Variants in ZNF749 observed in about 807,000 individuals in gnomAD.
The protein encoded by ZNF749 is zinc finger protein 749.
ZNF749 carries 8 observed loss-of-function variants against 7.3 expected under a neutral mutation model. That is an observed-to-expected ratio of 1.10 (90% CI 0.64 to 1.98). The LOEUF is 1.98. ZNF749 is among the 30% of genes most tolerant of loss of function. The pLI, the probability that ZNF749 is intolerant of heterozygous loss-of-function variation, is 0.00. For missense variants in ZNF749, 898 were observed against 932.4 expected (o/e 0.96, Z 0.48); for synonymous variants, 310 against 322.4 (o/e 0.96, Z 0.41).
At chr19:57,435,202 C>T (rs1400679001), upstream of ZNF749, 3 of 358,246 alleles carry the variant, frequency 8.4e-6, no homozygotes, top group African/African-American at 2.2e-5. Context: ...GAAGACACTG[C>T]GGGCGACACA....
upstream of ZNF749, among the ~76,000 whole-genome samples, chr19:57,431,085 G>A (rs1251408787): frequency 1.3e-5 from 2 of 151,012 alleles, no homozygotes; most frequent in African/African-American, 4.9e-5. Context: ...TAAAGGGGAA[G>A]TAGAAGAGTT....
chr19:57,432,999 C>G (rs1274103016), upstream of ZNF749, among the ~76,000 whole-genome samples: 1 of 152,146 alleles, frequency 6.6e-6, no homozygotes, highest in Non-Finnish European at 1.5e-5. Context: ...GAGTCATCCA[C>G]AATCTCTTGC....
rs1909449580 is a variant in ZNF749, at chr19:57,443,448, T to C, written c.300T>C (p.Ala100=). ...TTCTGAAGGACATTCTGCACCTGGC[T>C]GAGCACGATGGAACACACCCTGAGC... The part of the protein sequence containing the change: ...SSILKDILHL[A]EHDGTHPEQG... Residue 100 remains alanine (A), a synonymous_variant, in exon 3 of 3, where the codon GCT becomes GCC. Coordinates refer to ENST00000334181, the MANE Select transcript of ZNF749 (RefSeq NM_001023561.4). 6.2e-7 allele frequency: 1 copy of C among 1,614,250 alleles called. No individual in the cohort carries two copies. The highest frequency in any genetic ancestry group is 1.1e-5 in the South Asian group (1 of 91,088).
Position 57,444,480 on chromosome 19 carries a change from G to C in ZNF749, c.1332G>C (p.Glu444Asp), listed in dbSNP as rs1437809380. 6.2e-7 allele frequency: 1 copy of C among 1,613,866 alleles called. No homozygotes were observed. The highest frequency in any genetic ancestry group is 2.2e-5 in the East Asian group (1 of 44,876). ...GGCCTTATGAGTGCACTGAATGTGA[G>C]AAGGCCTTTGTTAGAAAGTCCCACC... is the stretch of plus-strand genomic sequence containing the variant. ...GERPYECTEC[E>D]KAFVRKSHLV... The change falls in exon 3 of 3, where the codon GAG becomes GAC. Residue 444 changes from glutamate (E) to aspartate (D), a missense_variant. Physicochemically the swap from Glu to Asp is conservative, Grantham distance 45. Coordinates refer to ENST00000334181, the MANE Select transcript of ZNF749 (RefSeq NM_001023561.4).
Position 57,441,939 on chromosome 19 carries a change from A to C in ZNF749, c.70A>C (p.Ile24Leu). 1 of 1,614,066 alleles carries C rather than the reference A, an allele frequency of 6.2e-7. No individual in the cohort carries two copies. The highest frequency in any genetic ancestry group is 1.1e-5 in the South Asian group (1 of 91,078). The change falls in exon 2 of 3, where the codon ATC (isoleucine) becomes CTC (leucine). Residue 24 changes from isoleucine to leucine, a missense_variant. Physicochemically the swap from Ile to Leu is conservative, Grantham distance 5. Coordinates refer to ENST00000334181, the MANE Select transcript of ZNF749 (RefSeq NM_001023561.4). ...AIYFSQEEWG[I>L]LNDAQRHLHS... The stretch of plus-strand genomic sequence containing the variant: ...ATATTTCTCCCAAGAGGAATGGGGG[A>C]TCCTTAATGATGCTCAGAGACACCT...
upstream of ZNF749, among the ~76,000 whole-genome samples, chr19:57,433,173 T>G (rs1281657884): frequency 6.6e-6 from 1 of 150,688 alleles, no homozygotes; most frequent in African/African-American, 2.4e-5. Context: ...ATTTAGAAGG[T>G]TGACATCCTA....
chr19:57,432,973 C>G (rs1486351026), upstream of ZNF749, among the ~76,000 whole-genome samples: 1 of 152,122 alleles, frequency 6.6e-6, no homozygotes, highest in African/African-American at 2.4e-5. Flanking sequence ...TTAAATCAGA[C>G]CACACCGTAG....
chr19:57,445,551 C>T lies in ZNF749; in HGVS notation c.*66C>T, dbSNP rs1306548718. 5.9e-6 allele frequency: 9 copies of T among 1,527,016 alleles called. No homozygotes were observed. Among genetic ancestry groups the T allele is most frequent in the South Asian group, 1.3e-5 (1 of 74,828 alleles). 94.6% of individuals were successfully genotyped at this position (1,527,016 alleles called of 1,614,324 possible). On this transcript the variant is annotated 3_prime_UTR_variant, in exon 3 of 3. Transcript: ENST00000334181. ...TCAGCACCAAAAGGTTCACATCGGA[C>T]CAAGAACCTATTAATATATGTAAAT...
Position 57,445,164 on chromosome 19 carries a change from C to T in ZNF749, c.2016C>T (p.Asn672=). ...HTGEKPYECS[N]CGKFLRYRST... ...GAGAAAAGCCTTATGAATGCAGCAACTGTGGGAAGTTTCTTAGATACCGCT... is the reference window on the plus strand; with the variant it reads ...GAGAAAAGCCTTATGAATGCAGCAATTGTGGGAAGTTTCTTAGATACCGCT... The change falls in exon 3 of 3, where the codon AAC becomes AAT. Residue 672 remains asparagine (N), a synonymous_variant. Transcript: ENST00000334181. 6.2e-7 allele frequency: 1 copy of T among 1,614,080 alleles called. No homozygotes were observed. The highest frequency in any genetic ancestry group is 8.5e-7 in the Non-Finnish European group (1 of 1,180,008).
intron 1 of ZNF749, 88 bp downstream of exon 1, chr19:57,435,681 G>A: frequency 1.3e-6 from 2 of 1,529,030 alleles, no homozygotes; most frequent in South Asian, 1.2e-5. Context: ...AGGCCCTTGT[G>A]TCTCTAAGAG....
In ZNF749 at chr19:57,444,385, A is replaced by G. The variant is rs768525102; in HGVS notation, c.1237A>G (p.Ser413Gly). The change falls in exon 3 of 3, where the codon AGC (serine) becomes GGC (glycine). Residue 413 changes from serine to glycine, a missense_variant. By Grantham distance (56) the Ser-to-Gly change is moderately conservative (BLOSUM62 0). Transcript: ENST00000334181. ...TGCTGGCAAAAGGCTTTATAAGTGTAGCGAATGTGGGAAAGCCTTTAGCCT... is the reference window on the plus strand; with the variant it reads ...TGCTGGCAAAAGGCTTTATAAGTGTGGCGAATGTGGGAAAGCCTTTAGCCT... ...VHAGKRLYKC[S>G]ECGKAFSLKH... The G allele has an allele frequency of 1.2e-6, 2 of 1,614,028 alleles. No homozygotes were observed. Among genetic ancestry groups the G allele is most frequent in the Non-Finnish European group, 1.7e-6 (2 of 1,179,968 alleles).
rs1253002494 is a variant in ZNF749 at position 57,443,458 on chromosome 19, G to A, written c.310G>A (p.Gly104Arg). 6.2e-7 allele frequency: 1 copy of A among 1,614,238 alleles called. No individual in the cohort carries two copies. The highest frequency in any genetic ancestry group is 1.1e-5 in the South Asian group (1 of 91,092). ...CATTCTGCACCTGGCTGAGCACGAT[G>A]GAACACACCCTGAGCAAGGGCTGTA... ...KDILHLAEHD[G>R]THPEQGLYTC... is the part of the protein sequence containing the mutation. Residue 104 changes from glycine (G) to arginine (R), a missense_variant, in exon 3 of 3, where the codon GGA (glycine) becomes AGA (arginine). Gly to Arg is a moderately radical substitution (Grantham distance 125). Transcript: ENST00000334181.
intron 1 of ZNF749, among the ~76,000 whole-genome samples, chr19:57,441,288 G>T (rs899332299): frequency 3.7e-4 from 56 of 152,236 alleles, no homozygotes; most frequent in South Asian, 1.2e-3. Context: ...TCCTTGGGAA[G>T]TGGGTGGAGG....
In ZNF749 at chr19:57,445,254, G is replaced by C; in HGVS notation, c.2106G>C (p.Arg702Ser). 1 of 1,613,954 alleles carries C rather than the reference G, an allele frequency of 6.2e-7. No individual in the cohort carries two copies. The highest frequency in any genetic ancestry group is 1.1e-5 in the South Asian group (1 of 91,078). ...AGCCTCATGAGTGCAGTAAATGTAG[G>C]GAATTGTTTAGGACTAAATCGAGCC... is the stretch of plus-strand genomic sequence containing the variant. ...GEKPHECSKC[R>S]ELFRTKSSLI... is the part of the protein sequence containing the mutation. The change falls in exon 3 of 3, where the codon AGG becomes AGC. Residue 702 changes from arginine to serine, a missense_variant. By Grantham distance (110) the Arg-to-Ser change is moderately radical. Transcript: ENST00000334181.
intron 1 of ZNF749, among the ~76,000 whole-genome samples, chr19:57,441,072 G>GC (rs1371586371): frequency 2.3e-5 from 3 of 131,358 alleles, no homozygotes; most frequent in African/African-American, 8.8e-5. Flanking sequence ...GTTGCAGTGA[G>GC]CCACTGCACT....
chr19:57,428,935 C>CTG, the ZNF749 span, among the ~76,000 whole-genome samples: 1 of 152,152 alleles, frequency 6.6e-6, no homozygotes, highest in Non-Finnish European at 1.5e-5. Context: ...TTCCATGTTG[C>CTG]TGTGTGTGTC....
rs779337654 is a variant in ZNF749 at position 57,444,265 on chromosome 19, C to T, written c.1117C>T (p.Gln373Ter). Reference protein sequence around the residue: ...FMDSFTLGRHQRVHTGERPFE... With the variant: ...FMDSFTLGRH ...GGACAGCTTCACACTCGGTAGACAT[C>T]AGAGAGTTCATACTGGAGAAAGGCC... The change falls in exon 3 of 3, where the codon CAG becomes TAG. Residue 373 changes from glutamine to a stop codon, truncating the protein, a stop_gained. Coordinates refer to ENST00000334181, the MANE Select transcript of ZNF749 (RefSeq NM_001023561.4). LOFTEE classifies it low-confidence loss of function (END_TRUNC). 1.2e-6 allele frequency: 2 copies of T among 1,614,176 alleles called. No individual in the cohort carries two copies. Among genetic ancestry groups the T allele is most frequent in the South Asian group, 2.2e-5 (2 of 91,080 alleles).
Position 57,441,931 on chromosome 19 carries a change from A to G in ZNF749, c.62A>G (p.Glu21Gly). 6.2e-7 allele frequency: 1 copy of G among 1,614,064 alleles called. No homozygotes were observed. Among genetic ancestry groups the G allele is most frequent in the Non-Finnish European group, 8.5e-7 (1 of 1,179,994 alleles). The part of the protein sequence containing the change: ...EDVAIYFSQE[E>G]WGILNDAQRH... ...GTGGCCATATATTTCTCCCAAGAGG[A>G]ATGGGGGATCCTTAATGATGCTCAG... The change falls in exon 2 of 3, where the codon GAA becomes GGA. Residue 21 changes from glutamate (E) to glycine (G), a missense_variant. Physicochemically the swap from Glu to Gly is moderately conservative, Grantham distance 98. Coordinates refer to ENST00000334181, the MANE Select transcript of ZNF749 (RefSeq NM_001023561.4).
chr19:57,431,664 G>GA (rs1033341895), upstream of ZNF749, among the ~76,000 whole-genome samples: 826 of 131,752 alleles, frequency 6.3e-3, 4 homozygotes, highest in African/African-American at 0.015. Context: ...GGACAAAAAA[G>GA]AAAAAAAAAA....
Sources: gnomAD v4.1 joint callset for allele counts (sites outside exome capture counted in the v4.1 genomes callset) on GRCh38, gnomAD v4.1.1 for gene constraint, MANE v1.5 for transcripts, NCBI Gene and HGNC (gene_info 2026-07-23, HGNC 2026-07-21) for gene names.